Variants in APIP observed in about 807,000 individuals in gnomAD.
APIP encodes the protein APAF1 interacting protein.
In APIP, 32 loss-of-function variants were observed where a neutral mutation model predicts 32.0. The ratio of observed to expected loss-of-function variants is 1.00; its 90% CI spans 0.76 to 1.34. The LOEUF is 1.34. APIP is among the 40% of genes most tolerant of loss of function. The pLI, the probability that APIP is intolerant of heterozygous loss-of-function variation, is 0.00. For synonymous variants in APIP, 92 were observed against 94.8 expected (o/e 0.97, Z 0.17); for missense variants, 247 against 298.6 (o/e 0.83, Z 1.27).
Position 34,884,862 on chromosome 11 carries a change from A to C in APIP, c.462-1358T>G, listed in dbSNP as rs79687946. Among the ~76,000 whole-genome samples the C allele has an allele frequency of 7.5e-3, 1,135 of 152,242 alleles. 16 individuals are homozygous for C. Among genetic ancestry groups the C allele is most frequent in the African/African-American group, 0.026 (1,087 of 41,552 alleles). On this transcript the variant is annotated intron_variant, in intron 5 of 6. Transcript: ENST00000395787. The stretch of plus-strand genomic sequence containing the variant: ...AATAGTCAGAAATATTTTCAGGAGC[A>C]AAATAATTTCACAGCAAAGTAAGAA...
intron 2 of APIP, among the ~76,000 whole-genome samples, chr11:34,891,317 C>T (rs1403246307): frequency 6.6e-6 from 1 of 152,134 alleles, no homozygotes; most frequent in African/African-American, 2.4e-5. Flanking sequence ...CCTCCACCCT[C>T]AACAACAACT....
chr11:34,894,434 C>A (rs1168839874), intron 2 of APIP, among the ~76,000 whole-genome samples: 1 of 141,762 alleles, frequency 7.1e-6, no homozygotes, highest in African/African-American at 2.7e-5. Context: ...AGTTTGAGAC[C>A]AGCCCATGCA....
rs555577363 is a variant in APIP, at chr11:34,888,970, TTATC to T, written c.208-105_208-102del. ...CATATACATAAGAATACAAGAAAGTTTATCTATAGTATACATACTTGTGTGTATA... is the reference window on the plus strand; with the variant it reads ...CATATACATAAGAATACAAGAAAGTTTATAGTATACATACTTGTGTGTATA... On this transcript the variant is annotated intron_variant, in intron 3 of 6. Transcript: ENST00000395787. 457 of 595,076 alleles carry T rather than the reference TTATC, an allele frequency of 7.7e-4. 1 individual carries two copies. The African/African-American group carries it at 7.9e-3, about 10-fold the overall frequency. 36.9% of individuals were successfully genotyped at this position (595,076 alleles called of 1,614,324 possible). A position where few individuals can be genotyped will look rare whatever the true frequency, so the allele number is the denominator to read the frequency against.
chr11:34,885,867 G>T (rs115311888), intron 5 of APIP, among the ~76,000 whole-genome samples: 1 of 152,054 alleles, frequency 6.6e-6, no homozygotes, highest in African/African-American at 2.4e-5. Context: ...CCTAATGACC[G>T]CATAGCTGTC....
intron 1 of APIP, among the ~76,000 whole-genome samples, chr11:34,909,737 A>T (rs1296760065): frequency 6.6e-6 from 1 of 152,200 alleles, no homozygotes; most frequent in African/African-American, 2.4e-5. Flanking sequence ...TGATGACAAC[A>T]GTCTTACCAG....
At chr11:34,895,532 T>C (rs1212041587) in intron 1 of APIP, among the ~76,000 whole-genome samples, 1 of 152,252 alleles carries the variant, frequency 6.6e-6, no homozygotes, top group Non-Finnish European at 1.5e-5. Context: ...GATAGTTACA[T>C]GTTCAACACA....
chr11:34,910,493 A>T (rs912972892), intron 1 of APIP, among the ~76,000 whole-genome samples: 1 of 152,198 alleles, frequency 6.6e-6, no homozygotes, highest in Non-Finnish European at 1.5e-5. Context: ...AGACAGGGAA[A>T]GATTAAACAT....
In APIP at chr11:34,916,213, T is replaced by C. The variant is rs1410574793; in HGVS notation, c.57+15A>G. The C allele has an allele frequency of 6.2e-7, 1 of 1,607,116 alleles. No individual in the cohort carries two copies. The highest frequency in any genetic ancestry group is 8.5e-7 in the Non-Finnish European group (1 of 1,177,960). On this transcript the variant is annotated intron_variant, in intron 1 of 6. Coordinates refer to ENST00000395787, the MANE Select transcript of APIP (RefSeq NM_015957.4). Reference sequence around the variant, plus strand: ...TCCTCCTGGGAATACCGGGCACCGGTGGCCCCGCCCCTACCTGCGCGCCGC... The same window carrying C: ...TCCTCCTGGGAATACCGGGCACCGGCGGCCCCGCCCCTACCTGCGCGCCGC...
chr11:34,889,728 T>C (rs1438176896), intron 3 of APIP, among the ~76,000 whole-genome samples: 1 of 152,128 alleles, frequency 6.6e-6, no homozygotes, highest in Non-Finnish European at 1.5e-5. Context: ...AGTGAGAACA[T>C]GCGGTATTTG....
At chr11:34,909,862 T>G (rs180792690) in intron 1 of APIP, among the ~76,000 whole-genome samples, 1 of 152,276 alleles carries the variant, frequency 6.6e-6, no homozygotes. Context: ...TTGCCTTTCA[T>G]GAAATGAGAG....
At chr11:34,911,962 GAAC>G (rs1221425408) in intron 1 of APIP, among the ~76,000 whole-genome samples, 1 of 152,024 alleles carries the variant, frequency 6.6e-6, no homozygotes, top group Non-Finnish European at 1.5e-5. Context: ...TGAAAAATAG[GAAC>G]AACTTACTCA....
chr11:34,915,846 C>T (rs745671139), intron 1 of APIP: 2 of 289,080 alleles, frequency 6.9e-6, no homozygotes, highest in Non-Finnish European at 1.3e-5. Context: ...CGTCAGGGCG[C>T]AGAAAAGAAG....
At position 34,901,001 on chromosome 11, in the gene APIP, C is replaced by T. The variant is rs554487926; in HGVS notation, c.58-5891G>A. On this transcript the variant is annotated intron_variant, in intron 1 of 6. Coordinates refer to ENST00000395787, the MANE Select transcript of APIP (RefSeq NM_015957.4). ...CTCATTCTCAAGGACAAGTTTATTA[C>T]ACAGGTAGCTCCCAATATTAAAAGG... is the stretch of plus-strand genomic sequence containing the variant. Among the ~76,000 whole-genome samples, 31 of 147,362 alleles carry T rather than the reference C, an allele frequency of 2.1e-4. No individual in the cohort carries two copies. The South Asian group carries it at 6.6e-3, about 31-fold the overall frequency.
chr11:34,891,906 G>A (rs1853192301), intron 2 of APIP, among the ~76,000 whole-genome samples: 1 of 152,056 alleles, frequency 6.6e-6, no homozygotes, highest in Non-Finnish European at 1.5e-5. Flanking sequence ...GATGGTACAT[G>A]GTCCACTCAC....
intron 2 of APIP, among the ~76,000 whole-genome samples, chr11:34,892,590 C>T (rs2915223): frequency 0.6 from 91,312 of 151,928 alleles, 28,473 homozygotes; most frequent in East Asian, 0.74. Flanking sequence ...TGAATGATAG[C>T]GACCCAACCT....
intron 5 of APIP, among the ~76,000 whole-genome samples, chr11:34,886,461 T>C (rs1163585528): frequency 2.0e-5 from 3 of 152,108 alleles, no homozygotes. Flanking sequence ...AAAAGCTTGA[T>C]AAACTAAAAA....
chr11:34,898,515 CA>C (rs1853315869), intron 1 of APIP, among the ~76,000 whole-genome samples: 2 of 152,156 alleles, frequency 1.3e-5, no homozygotes, highest in African/African-American at 4.8e-5. Flanking sequence ...CGGGTTTTGG[CA>C]GAGAATCCCC....
intron 1 of APIP, among the ~76,000 whole-genome samples, chr11:34,913,581 A>C (rs1853594259): frequency 6.6e-6 from 1 of 152,090 alleles, no homozygotes; most frequent in Admixed American, 6.5e-5. Context: ...CTTCGCAGGG[A>C]GTGTTACAGC....
chr11:34,916,259 C>G lies in APIP; in HGVS notation c.26G>C (p.Gly9Ala). 6.2e-7 allele frequency: 1 copy of G among 1,612,632 alleles called. No individual in the cohort carries two copies. The highest frequency in any genetic ancestry group is 8.5e-7 in the Non-Finnish European group (1 of 1,179,582). Residue 9 changes from glycine to alanine, a missense_variant, in exon 1 of 7, where the codon GGA (glycine) becomes GCA (alanine). Transcript: ENST00000395787. MSGCDARE[G>A]DCCSRRCGAQ... ...GCCGCATCTCCGGGAACAACAGTCT[C>G]CCTCCCGAGCATCACAGCCAGACAT...
Sources: gnomAD v4.1 joint callset for allele counts (sites outside exome capture counted in the v4.1 genomes callset) on GRCh38, gnomAD v4.1.1 for gene constraint, MANE v1.5 for transcripts, NCBI Gene and HGNC (gene_info 2026-07-23, HGNC 2026-07-21) for gene names.